The following POFUT3 variants were observed in gnomAD, a reference collection of about 807,000 sequenced individuals.
POFUT3 encodes the protein GDP-fucose protein O-fucosyltransferase 3.
chr8:33,445,850 C>G, the POFUT3 span, among the ~76,000 whole-genome samples: 1,886 of 152,250 alleles, frequency 0.012, 46 homozygotes, highest in African/African-American at 0.043. Context: ...ACTATAAAAG[C>G]AACAAGTCCA....
chr8:33,365,789 T>C, the POFUT3 span, among the ~76,000 whole-genome samples: 2 of 151,818 alleles, frequency 1.3e-5, no homozygotes, highest in Admixed American at 6.6e-5. Flanking sequence ...GAAATAGGAA[T>C]GCTTTTACAC....
chr8:33,355,700 T>C, the POFUT3 span, among the ~76,000 whole-genome samples: 2 of 152,156 alleles, frequency 1.3e-5, no homozygotes, highest in African/African-American at 4.8e-5. Context: ...CTTTAAGTTT[T>C]AGGGTACATG....
At chr8:33,389,263 T>C in the POFUT3 span, 12 of 1,614,174 alleles carry the variant, frequency 7.4e-6, no homozygotes, top group South Asian at 4.4e-5. Context: ...ATCCGTAATA[T>C]ACAGGGACTA....
the POFUT3 span, among the ~76,000 whole-genome samples, chr8:33,415,394 TGGA>T: frequency 8.5e-5 from 13 of 152,284 alleles, no homozygotes; most frequent in Non-Finnish European, 1.9e-4. Flanking sequence ...GAAGCTGCTT[TGGA>T]GGAGAAGGGA....
chr8:33,394,670 AT>A, the POFUT3 span, among the ~76,000 whole-genome samples: 2 of 151,340 alleles, frequency 1.3e-5, no homozygotes, highest in African/African-American at 4.9e-5. Flanking sequence ...GCTCTTAAAA[AT>A]TAAAAAAAAA....
the POFUT3 span, chr8:33,372,714 G>A: frequency 2.5e-6 from 4 of 1,614,102 alleles, no homozygotes; most frequent in South Asian, 2.2e-5. Context: ...GAGCTCAAAG[G>A]TGGAGTCCGG....
the POFUT3 span, among the ~76,000 whole-genome samples, chr8:33,378,514 A>G: frequency 6.6e-6 from 1 of 152,152 alleles, no homozygotes; most frequent in African/African-American, 2.4e-5. Context: ...GGACACTGGA[A>G]AAGCTTCACC....
the POFUT3 span, among the ~76,000 whole-genome samples, chr8:33,333,183 A>C: frequency 6.6e-6 from 1 of 152,226 alleles, no homozygotes; most frequent in Non-Finnish European, 1.5e-5. Context: ...CAGAAGGCTG[A>C]AAGGCCTGAG....
chr8:33,433,398 G>A, the POFUT3 span, among the ~76,000 whole-genome samples: 1 of 151,978 alleles, frequency 6.6e-6, no homozygotes, highest in East Asian at 1.9e-4. Flanking sequence ...ATCACCTGAG[G>A]TCAGGAGTTC....
chr8:33,328,105 C>G, the POFUT3 span, among the ~76,000 whole-genome samples: 1 of 152,138 alleles, frequency 6.6e-6, no homozygotes, highest in Non-Finnish European at 1.5e-5. Flanking sequence ...TCTCTTATCT[C>G]TCAAGTGGAT....
chr8:33,389,665 A>G, the POFUT3 span: 1 of 1,614,186 alleles, frequency 6.2e-7, no homozygotes, highest in African/African-American at 1.3e-5. Context: ...TGAACGTGGC[A>G]GTGTAGTTGA....
At chr8:33,461,853 C>G in the POFUT3 span, 1 of 358,098 alleles carries the variant, frequency 2.8e-6, no homozygotes, top group South Asian at 2.3e-5. Context: ...AGTCCTAGTA[C>G]CTCACTCATA....
At chr8:33,459,061 C>T in the POFUT3 span, among the ~76,000 whole-genome samples, 1 of 152,274 alleles carries the variant, frequency 6.6e-6, no homozygotes, top group East Asian at 1.9e-4. Context: ...TGTGGAGAAC[C>T]AGGCGTGGTG....
the POFUT3 span, among the ~76,000 whole-genome samples, chr8:33,321,692 T>G: frequency 6.6e-6 from 1 of 152,106 alleles, no homozygotes; most frequent in Admixed American, 6.6e-5. Flanking sequence ...TGCTTGTGCC[T>G]GAAGAAAGGA....
At chr8:33,386,300 C>T in the POFUT3 span, among the ~76,000 whole-genome samples, 1 of 150,556 alleles carries the variant, frequency 6.6e-6, no homozygotes, top group Non-Finnish European at 1.5e-5. Context: ...GGAATTGGAA[C>T]TACTTCATTA....
chr8:33,385,524 T>A, the POFUT3 span, among the ~76,000 whole-genome samples: 1 of 152,118 alleles, frequency 6.6e-6, no homozygotes, highest in African/African-American at 2.4e-5. Context: ...CACAGGCTCC[T>A]AAGGGAAGAG....
At chr8:33,393,960 T>C in the POFUT3 span, among the ~76,000 whole-genome samples, 1 of 152,284 alleles carries the variant, frequency 6.6e-6, no homozygotes, top group South Asian at 2.1e-4. Context: ...GGCAGGAGGA[T>C]TGCTTGAGCC....
the POFUT3 span, among the ~76,000 whole-genome samples, chr8:33,318,586 T>G: frequency 1.4e-5 from 1 of 70,246 alleles, no homozygotes; most frequent in Non-Finnish European, 2.4e-5. Flanking sequence ...ATATTGTATA[T>G]ATATTTATAT....
At chr8:33,465,389 CATAT>C in the POFUT3 span, among the ~76,000 whole-genome samples, 1 of 145,478 alleles carries the variant, frequency 6.9e-6, no homozygotes, top group Non-Finnish European at 1.5e-5. Context: ...TGCCCAAGAT[CATAT>C]ATATATATAT....
Sources: allele counts gnomAD v4.1 joint callset (sites outside exome capture counted in the v4.1 genomes callset), GRCh38; gene constraint gnomAD v4.1.1; transcripts MANE v1.5; gene names NCBI Gene and HGNC (gene_info 2026-07-23, HGNC 2026-07-21).